The following ELMO1 variants were observed in gnomAD, a reference collection of about 807,000 sequenced individuals.
ELMO1 encodes the protein engulfment and cell motility 1, also known as engulfment and cell motility protein 1.
A neutral mutation model predicts 98.9 loss-of-function variants in ELMO1; 26 were observed. The ratio of observed to expected loss-of-function variants is 0.26; its 90% CI spans 0.19 to 0.36. ELMO1 has a LOEUF of 0.36. ELMO1 is among the 10% of genes least tolerant of loss of function. The probability of loss-of-function intolerance (pLI) is 1.00; values close to 1 mark genes in which losing one functional copy is unlikely to be tolerated. For synonymous variants in ELMO1, 346 were observed against 346.0 expected, an observed-to-expected ratio of 1.00 and a Z score of 0.00; for missense variants, 627 against 935.2, an observed-to-expected ratio of 0.67 and a Z score of 4.30.
chr7:37,080,137 C>G (rs1177060510), intron 15 of ELMO1, among the ~76,000 whole-genome samples: 1 of 152,148 alleles, frequency 6.6e-6, no homozygotes, highest in Non-Finnish European at 1.5e-5. Flanking sequence ...CAGGAAAATC[C>G]TGTTGGCTCT....
At chr7:37,123,884 C>A (rs997856644) in intron 14 of ELMO1, among the ~76,000 whole-genome samples, 1 of 152,114 alleles carries the variant, frequency 6.6e-6, no homozygotes, top group African/African-American at 2.4e-5. Context: ...TGCAAAAATC[C>A]TCAGTAAAAT....
chr7:37,379,395 G>A (rs925440021), intron 1 of ELMO1, among the ~76,000 whole-genome samples: 4 of 152,042 alleles, frequency 2.6e-5, no homozygotes, highest in African/African-American at 7.3e-5. Context: ...TCCTTGAAGG[G>A]GTCAGGCTCT....
At chr7:37,034,447 T>G (rs1189984655) in intron 15 of ELMO1, among the ~76,000 whole-genome samples, 1 of 152,160 alleles carries the variant, frequency 6.6e-6, no homozygotes, top group Non-Finnish European at 1.5e-5. Flanking sequence ...GTGGTACAGT[T>G]GACCTATGAA....
intron 16 of ELMO1, among the ~76,000 whole-genome samples, chr7:37,001,798 T>C (rs1261848784): frequency 6.6e-6 from 1 of 152,152 alleles, no homozygotes; most frequent in Non-Finnish European, 1.5e-5. Context: ...GATATGGAGA[T>C]AAAGCAGAAA....
intron 13 of ELMO1, among the ~76,000 whole-genome samples, chr7:37,193,502 G>T (rs926929357): frequency 4.6e-5 from 7 of 152,204 alleles, no homozygotes; most frequent in African/African-American, 1.2e-4. Context: ...TCTGCCAGGG[G>T]TTATCAGAGA....
chr7:37,170,099 T>G (rs970269209), intron 13 of ELMO1, among the ~76,000 whole-genome samples: 1 of 152,146 alleles, frequency 6.6e-6, no homozygotes, highest in African/African-American at 2.4e-5. Flanking sequence ...AAGACAGGGT[T>G]TCACCATGTT....
At chr7:36,963,118 CTCACGCCTGTAA>C (rs1789104062) in intron 16 of ELMO1, among the ~76,000 whole-genome samples, 1 of 152,150 alleles carries the variant, frequency 6.6e-6, no homozygotes, top group Non-Finnish European at 1.5e-5. Context: ...GGCGTGGTGG[CTCACGCCTGTAA>C]TCCCAGCACT....
At chr7:37,157,326 C>G (rs1373781378) in intron 13 of ELMO1, among the ~76,000 whole-genome samples, 1 of 152,062 alleles carries the variant, frequency 6.6e-6, no homozygotes, top group African/African-American at 2.4e-5. Context: ...GGCAATCAGG[C>G]AGGAGAAAGA....
At chr7:37,365,863 G>A (rs549432301) in intron 1 of ELMO1, among the ~76,000 whole-genome samples, 53 of 152,340 alleles carry the variant, frequency 3.5e-4, no homozygotes, top group African/African-American at 1.2e-3. Context: ...AATGTGTGCA[G>A]TGTTTTTAAG....
At chr7:37,096,199 C>G (rs1284733622) in intron 15 of ELMO1, among the ~76,000 whole-genome samples, 1 of 151,846 alleles carries the variant, frequency 6.6e-6, no homozygotes, top group Non-Finnish European at 1.5e-5. Context: ...ACACTGAGAG[C>G]AAGAGAATTT....
intron 1 of ELMO1, among the ~76,000 whole-genome samples, chr7:37,432,783 T>G (rs1053858558): frequency 6.6e-6 from 1 of 152,372 alleles, no homozygotes; most frequent in Middle Eastern, 3.4e-3. Context: ...AATTCAACAC[T>G]GGCTGAACCG....
chr7:36,938,971 T>C (rs1285274637), intron 16 of ELMO1, among the ~76,000 whole-genome samples: 2 of 152,058 alleles, frequency 1.3e-5, no homozygotes, highest in Non-Finnish European at 2.9e-5. Context: ...CAGGCTGCAG[T>C]GAGCTATAAT....
At chr7:37,339,330 G>A (rs968496375) in intron 2 of ELMO1, among the ~76,000 whole-genome samples, 1 of 152,222 alleles carries the variant, frequency 6.6e-6, no homozygotes, top group African/African-American at 2.4e-5. Flanking sequence ...AGTCAAGGTT[G>A]AGGACCACTG....
At chr7:37,251,925 T>C (rs1321571047) in intron 6 of ELMO1, among the ~76,000 whole-genome samples, 2 of 152,158 alleles carry the variant, frequency 1.3e-5, no homozygotes, top group African/African-American at 2.4e-5. Context: ...CAGGCATTCC[T>C]ATACACCAAT....
At chr7:37,026,723 G>A (rs1794598251) in intron 15 of ELMO1, among the ~76,000 whole-genome samples, 1 of 152,140 alleles carries the variant, frequency 6.6e-6, no homozygotes, top group South Asian at 2.1e-4. Context: ...AACCTCCAAA[G>A]CCCAGACCTC....
chr7:37,049,944 A>AT (rs1438498146), intron 15 of ELMO1, among the ~76,000 whole-genome samples: 3 of 150,630 alleles, frequency 2.0e-5, no homozygotes, highest in Admixed American at 1.3e-4. Context: ...TGCCTGGCTA[A>AT]TTTTTTTGTA....
chr7:37,227,540 C>G (rs1366655223), intron 8 of ELMO1, among the ~76,000 whole-genome samples: 2 of 152,100 alleles, frequency 1.3e-5, no homozygotes, highest in African/African-American at 2.4e-5. Flanking sequence ...CATGCACCAC[C>G]ACGCCAAGCT....
At chr7:37,027,079 T>C (rs1183724353) in intron 15 of ELMO1, among the ~76,000 whole-genome samples, 3 of 152,252 alleles carry the variant, frequency 2.0e-5, no homozygotes, top group South Asian at 4.1e-4. Context: ...CACAGCACTC[T>C]GGAAGGCTCC....
intron 14 of ELMO1, among the ~76,000 whole-genome samples, chr7:37,117,680 A>G (rs191794271): frequency 6.6e-6 from 1 of 152,346 alleles, no homozygotes; most frequent in Admixed American, 6.5e-5. Flanking sequence ...TTTTTAAAAC[A>G]TGAAAAAATC....
Sources: allele counts gnomAD v4.1 joint callset (sites outside exome capture counted in the v4.1 genomes callset), GRCh38; gene constraint gnomAD v4.1.1; transcripts MANE v1.5; gene names NCBI Gene and HGNC (gene_info 2026-07-23, HGNC 2026-07-21).